SPG7: variants seen among roughly 807,000 people sequenced by gnomAD.
The protein encoded by SPG7 is mitochondrial inner membrane m-AAA protease component paraplegin.
Under a neutral mutation model 81.9 loss-of-function variants are expected in SPG7, and 103 were observed. The ratio of observed to expected loss-of-function variants is 1.26; its 90% CI spans 1.07 to 1.48. SPG7 has a LOEUF of 1.48. Among genes scored for constraint, SPG7 ranks in the 40% most tolerant of loss-of-function variants. The pLI, the probability that SPG7 is intolerant of heterozygous loss-of-function variation, is 0.00. For synonymous variants in SPG7, 534 were observed against 444.2 expected (o/e 1.20, Z -2.54); for missense variants, 1,241 against 1,087.3 (o/e 1.14, Z -1.99).
chr16:89,531,634 A>G, intron 7 of SPG7: 2 of 472,382 alleles, frequency 4.2e-6, no homozygotes, highest in Non-Finnish European at 7.8e-6. Flanking sequence ...TCAGCCTCCC[A>G]AAATGTTGGA....
At chr16:89,530,938 C>G (rs142810900) in intron 7 of SPG7, 130 bp downstream of exon 7, 1 of 1,218,614 alleles carries the variant, frequency 8.2e-7, no homozygotes, top group South Asian at 1.2e-5. Flanking sequence ...TCTACCATGT[C>G]CCATGGGGAC....
At chr16:89,519,727 T>C (rs2058159737) in intron 3 of SPG7, 1 of 152,208 alleles carries the variant, frequency 6.6e-6, no homozygotes, top group African/African-American at 2.4e-5. Context: ...GAAGGCCCCT[T>C]TCCACTGTGA....
At chr16:89,551,701 C>T (rs2058635665) in intron 13 of SPG7, 1 of 152,174 alleles carries the variant, frequency 6.6e-6, no homozygotes, top group Non-Finnish European at 1.5e-5. Flanking sequence ...CCAGCCTGGC[C>T]AACCTGGTGA....
chr16:89,536,641 C>A (rs1418716970), intron 9 of SPG7: 2 of 1,123,604 alleles, frequency 1.8e-6, no homozygotes, highest in East Asian at 2.5e-5. Flanking sequence ...GTGAGGCGGG[C>A]GAGGTGGGCG....
chr16:89,523,778 G>C, intron 3 of SPG7: 1 of 687,306 alleles, frequency 1.5e-6, no homozygotes, highest in Non-Finnish European at 2.6e-6. Context: ...AACCACTCCT[G>C]CTCCTCACTG....
At chr16:89,516,427 T>A (rs1357829468) in intron 3 of SPG7, among the ~76,000 whole-genome samples, 7 of 151,862 alleles carry the variant, frequency 4.6e-5, no homozygotes, top group Non-Finnish European at 8.8e-5. Flanking sequence ...TGTACGTGCT[T>A]GTAATCCCAG....
chr16:89,530,913 G>A, intron 7 of SPG7, 105 bp downstream of exon 7: 1 of 1,520,242 alleles, frequency 6.6e-7, no homozygotes, highest in Non-Finnish European at 9.1e-7. Flanking sequence ...GACGTGTCGT[G>A]GGTTGGCGGT....
At position 89,528,605 on chromosome 16, in the gene SPG7, T is replaced by A. The variant is rs1162113958; in HGVS notation, c.759-872T>A. ...GAGGGCAAAAGTCCTGGGATTTGCT[T>A]TTTTTTTTTTTTTTTTTTGGAGTCA... is the stretch of plus-strand genomic sequence containing the variant. On this transcript the variant is annotated intron_variant, in intron 5 of 16. Transcript: ENST00000645818. 582 of 137,536 alleles carry A rather than the reference T, an allele frequency of 4.2e-3. 39 individuals are homozygous for A. Among genetic ancestry groups the A allele is most frequent in the African/African-American group, 0.014 (469 of 33,752 alleles). The allele number at this position is 137,536 out of a possible 1,614,324, so 8.5% of individuals were successfully genotyped here. A position where few individuals can be genotyped will look rare whatever the true frequency, so the allele number is the denominator to read the frequency against.
Position 89,544,767 on chromosome 16 carries a change from C to G in SPG7, c.1444C>G (p.Leu482Val), listed in dbSNP as rs931943801. ...GCACGTCTTCATTGATCTCCCCACG[C>G]TGCAGGTCAGAGCCAGGATCCCAGC... ...DRHVFIDLPT[L>V]QERREIFEQH... Residue 482 changes from leucine to valine, a missense_variant, in exon 10 of 17, where the codon CTG becomes GTG. Coordinates refer to ENST00000645818, the MANE Select transcript of SPG7 (RefSeq NM_003119.4). 7 of 1,613,964 alleles carry G rather than the reference C, an allele frequency of 4.3e-6. No individual in the cohort carries two copies. The African/African-American group carries it at 8.0e-5, about 18-fold the overall frequency.
chr16:89,543,178 A>C (rs1440318085), intron 9 of SPG7: 3 of 150,198 alleles, frequency 2.0e-5, no homozygotes, highest in African/African-American at 7.4e-5. Flanking sequence ...CCATCTGCTG[A>C]CCTTGTGATC....
At position 89,532,608 on chromosome 16, in the gene SPG7, G is replaced by A. The variant is rs748012134; in HGVS notation, c.1296G>A (p.Thr432=). 17 of 1,613,546 alleles carry A rather than the reference G, an allele frequency of 1.1e-5. No individual in the cohort carries two copies. The highest frequency in any genetic ancestry group is 4.5e-5 in the East Asian group (2 of 44,890). The part of the protein sequence containing the change: ...SGFSNTEEEQ[T]LNQLLVEMDG... The stretch of plus-strand genomic sequence containing the variant: ...TCTCCAACACGGAGGAGGAGCAGAC[G>A]CTCAACCAGCTTCTGGTAGAAATGG... The change falls in exon 9 of 17, where the codon ACG becomes ACA. Residue 432 remains threonine, a synonymous_variant. Transcript: ENST00000645818.
Position 89,508,493 on chromosome 16 carries a change from G to A in SPG7, c.76G>A (p.Gly26Ser). The A allele has an allele frequency of 6.6e-7, 1 of 1,511,456 alleles. No individual in the cohort carries two copies. Among genetic ancestry groups the A allele is most frequent in the African/African-American group, 1.4e-5 (1 of 69,328 alleles). The allele number at this position is 1,511,456 out of a possible 1,614,324, so 93.6% of individuals were successfully genotyped here. Reference sequence around the variant, plus strand: ...GGGTCCTCGGCCGCTGTGGGGCCCAGGCCCGGCCTGGAGTCCAGGGTTCCC... The same window carrying A: ...GGGTCCTCGGCCGCTGTGGGGCCCAAGCCCGGCCTGGAGTCCAGGGTTCCC... ...GPGPRPLWGPGPAWSPGFPAR... is the reference protein window; with the variant it reads ...GPGPRPLWGPSPAWSPGFPAR... Residue 26 changes from glycine (G) to serine (S), a missense_variant, in exon 1 of 17, where the codon GGC (glycine) becomes AGC (serine). Coordinates refer to ENST00000645818, the MANE Select transcript of SPG7 (RefSeq NM_003119.4).
chr16:89,557,106 G>C lies in SPG7; in HGVS notation c.*13G>C. The C allele has an allele frequency of 6.2e-7, 1 of 1,607,498 alleles. No individual in the cohort carries two copies. Among genetic ancestry groups the C allele is most frequent in the Non-Finnish European group, 8.5e-7 (1 of 1,177,044 alleles). ...TTGGCCCAAGTAGTTGGGAGGTGTTGGCTGCACGTGCGGGTGGTCCGGGAA... is the reference window on the plus strand; with the variant it reads ...TTGGCCCAAGTAGTTGGGAGGTGTTCGCTGCACGTGCGGGTGGTCCGGGAA... On this transcript the variant is annotated 3_prime_UTR_variant, in exon 17 of 17. Transcript: ENST00000645818.
chr16:89,524,264 G>GA lies in SPG7; in HGVS notation c.618+18dup. 1.2e-6 allele frequency: 2 copies of GA among 1,600,604 alleles called. No individual in the cohort carries two copies. The highest frequency in any genetic ancestry group is 1.7e-6 in the Non-Finnish European group (2 of 1,173,318). On this transcript the variant is annotated intron_variant, in intron 4 of 16. Coordinates refer to ENST00000645818, the MANE Select transcript of SPG7 (RefSeq NM_003119.4). ...GGGCGGCCTGTGAGTGAGGGTGCGG[G>GA]AGGCCTGTGAGTGAGGGTGTGGGCA...
Position 89,536,647 on chromosome 16 carries a change from GGGCGAGGCA to G in SPG7, c.1324+4020_1324+4028del, listed in dbSNP as rs1359526919. 463 of 1,242,910 alleles carry G rather than the reference GGGCGAGGCA, an allele frequency of 3.7e-4. 1 individual carries two copies. Among genetic ancestry groups the G allele is most frequent in the East Asian group, 1.7e-3 (72 of 41,722 alleles). The allele number at this position is 1,242,910 out of a possible 1,614,324, so 77.0% of individuals were successfully genotyped here. A position where few individuals can be genotyped will look rare whatever the true frequency, so the allele number is the denominator to read the frequency against. ...TGAGGGCGGGTGAGGCGGGCGAGGTGGGCGAGGCAGGCGAGGCGGGTGAGATCGGGCGAG... is the reference window on the plus strand; with the variant it reads ...TGAGGGCGGGTGAGGCGGGCGAGGTGGGCGAGGCGGGTGAGATCGGGCGAG... On this transcript the variant is annotated intron_variant, in intron 9 of 16. Coordinates refer to ENST00000645818, the MANE Select transcript of SPG7 (RefSeq NM_003119.4).
In SPG7 at chr16:89,557,198, C is replaced by A; in HGVS notation, c.*105C>A. On this transcript the variant is annotated 3_prime_UTR_variant, in exon 17 of 17. Transcript: ENST00000645818. ...GGTTTGCACTTCCTCTCGCGGCCCTCAGTAGTCCCTGCACAGTGACTTCTG... is the reference window on the plus strand; with the variant it reads ...GGTTTGCACTTCCTCTCGCGGCCCTAAGTAGTCCCTGCACAGTGACTTCTG... The A allele has an allele frequency of 1.3e-6, 1 of 755,450 alleles. No individual in the cohort carries two copies. Among genetic ancestry groups the A allele is most frequent in the Non-Finnish European group, 2.3e-6 (1 of 435,636 alleles). The allele number at this position is 755,450 out of a possible 1,614,324, so 46.8% of individuals were successfully genotyped here.
chr16:89,526,917 C>T (rs573700844), intron 5 of SPG7: 5 of 171,776 alleles, frequency 2.9e-5, no homozygotes, highest in South Asian at 1.3e-4. Context: ...TCTCAGCCCC[C>T]GACGTAGGAT....
In SPG7 at chr16:89,524,203, G is replaced by A. The variant is rs2058231427; in HGVS notation, c.574G>A (p.Val192Met). The A allele has an allele frequency of 6.2e-7, 1 of 1,613,728 alleles. No individual in the cohort carries two copies. The highest frequency in any genetic ancestry group is 8.5e-7 in the Non-Finnish European group (1 of 1,179,962). ...CCAGGTGGTGCCTGAGAGCGACGTGGTGGAAGTCTACCTGCACCCTGGAGC... is the reference window on the plus strand; with the variant it reads ...CCAGGTGGTGCCTGAGAGCGACGTGATGGAAGTCTACCTGCACCCTGGAGC... ...RVQVVPESDV[V>M]EVYLHPGAVV... The change falls in exon 4 of 17, where the codon GTG (valine) becomes ATG (methionine). Residue 192 changes from valine (V) to methionine (M), a missense_variant. By Grantham distance (21) the Val-to-Met change is conservative. Coordinates refer to ENST00000645818, the MANE Select transcript of SPG7 (RefSeq NM_003119.4).
chr16:89,515,751 A>G (rs933324370), intron 3 of SPG7, among the ~76,000 whole-genome samples: 1 of 150,686 alleles, frequency 6.6e-6, no homozygotes, highest in Non-Finnish European at 1.5e-5. Context: ...CTCTGTCGCC[A>G]GGCTAGAGTG....
Sources: gnomAD v4.1 joint callset for allele counts (sites outside exome capture counted in the v4.1 genomes callset) on GRCh38, gnomAD v4.1.1 for gene constraint, MANE v1.5 for transcripts, NCBI Gene and HGNC (gene_info 2026-07-23, HGNC 2026-07-21) for gene names.